Variants in PRKN observed in about 807,000 individuals in gnomAD.
PRKN encodes parkin RBR E3 ubiquitin protein ligase, also known as E3 ubiquitin-protein ligase parkin.
Under a neutral mutation model 59.5 loss-of-function variants are expected in PRKN, and 56 were observed. The observed-to-expected ratio is 0.94, with a 90% CI of 0.76 to 1.18. The LOEUF (loss-of-function observed/expected upper bound fraction) is 1.18, where lower values mean the gene tolerates loss of function less well. PRKN is among the 50% of genes most tolerant of loss of function. The pLI is 0.00. For synonymous variants in PRKN, 250 were observed against 222.1 expected (o/e 1.13, Z -1.12); for missense variants, 657 against 596.4 (o/e 1.10, Z -1.06).
intron 1 of PRKN, among the ~76,000 whole-genome samples, chr6:162,689,952 T>C (rs1181084793): frequency 6.6e-6 from 1 of 152,210 alleles, no homozygotes; most frequent in African/African-American, 2.4e-5. Flanking sequence ...ACCCATAGCA[T>C]AAATCAGAAG....
At chr6:162,259,175 T>C (rs2128098975) in intron 3 of PRKN, among the ~76,000 whole-genome samples, 1 of 152,352 alleles carries the variant, frequency 6.6e-6, no homozygotes, top group South Asian at 2.1e-4. Context: ...ATAGATGTTT[T>C]ATGTGTTTAA....
rs375936373 is a variant in PRKN, at chr6:162,320,618, GTGC to G, written c.172-57856_172-57854del. 4.1e-4 allele frequency among the ~76,000 whole-genome samples: 63 copies of G among 151,822 alleles called. No individual in the cohort carries two copies. The East Asian group carries it at 6.4e-3, about 15-fold the overall frequency. On this transcript the variant is annotated intron_variant, in intron 2 of 11. Coordinates refer to ENST00000366898, the MANE Select transcript of PRKN (RefSeq NM_004562.3). The stretch of plus-strand genomic sequence containing the variant: ...TATTTCAAGAATTGGCCAGGATATT[GTGC>G]TGCTAATTGGGAATTTAAAATTATA...
intron 7 of PRKN, among the ~76,000 whole-genome samples, chr6:161,648,624 T>C (rs1479696529): frequency 6.6e-6 from 1 of 152,268 alleles, no homozygotes; most frequent in Non-Finnish European, 1.5e-5. Context: ...CTGTTTTAAC[T>C]GTGAGGTGTA....
chr6:161,802,701 T>C (rs888582557), intron 6 of PRKN, among the ~76,000 whole-genome samples: 1 of 152,186 alleles, frequency 6.6e-6, no homozygotes, highest in Non-Finnish European at 1.5e-5. Context: ...CCAATTCCCA[T>C]GGCCTGTTTT....
At chr6:161,920,923 G>A (rs535513794) in intron 6 of PRKN, among the ~76,000 whole-genome samples, 3 of 152,250 alleles carry the variant, frequency 2.0e-5, no homozygotes, top group African/African-American at 2.4e-5. Context: ...CACTGTAGAC[G>A]TTATGAACAC....
chr6:161,354,524 T>C lies in PRKN; in HGVS notation c.1286-4313A>G, dbSNP rs1159433479. 2.0e-5 allele frequency among the ~76,000 whole-genome samples: 3 copies of C among 152,204 alleles called. No individual in the cohort carries two copies. Among genetic ancestry groups the C allele is most frequent in the Non-Finnish European group, 2.9e-5 (2 of 68,044 alleles). On this transcript the variant is annotated intron_variant, in intron 11 of 11. Transcript: ENST00000366898. The surrounding 1 kb of genome is among the most constrained non-coding windows in gnomAD (Gnocchi z 6.7). ...GTCAGGGAATGGAGCCAGAATTTCA[T>C]CTGCTTGAGATGGAAGTGAAGAAAT...
At chr6:161,411,115 T>G (rs913726028) in intron 9 of PRKN, among the ~76,000 whole-genome samples, 7 of 152,126 alleles carry the variant, frequency 4.6e-5, no homozygotes, top group Admixed American at 1.3e-4. Flanking sequence ...TGAGGCAGGA[T>G]TTAGGGCCTC....
At chr6:162,515,241 C>T (rs991344302) in intron 1 of PRKN, among the ~76,000 whole-genome samples, 1 of 151,982 alleles carries the variant, frequency 6.6e-6, no homozygotes, top group African/African-American at 2.4e-5. Flanking sequence ...CACTACCACG[C>T]CCAGCTAATT....
chr6:162,508,956 C>G (rs887963350), intron 1 of PRKN, among the ~76,000 whole-genome samples: 1 of 152,134 alleles, frequency 6.6e-6, no homozygotes, highest in African/African-American at 2.4e-5. Context: ...ATTTGCTATT[C>G]AAGTGAGAAT....
chr6:162,346,239 G>GT (rs1784399343), intron 2 of PRKN, among the ~76,000 whole-genome samples: 1 of 152,130 alleles, frequency 6.6e-6, no homozygotes, highest in Non-Finnish European at 1.5e-5. Flanking sequence ...ATATAATCGT[G>GT]TTTTTTCCCA....
At chr6:161,728,472 G>A (rs1239915186) in intron 7 of PRKN, among the ~76,000 whole-genome samples, 2 of 152,268 alleles carry the variant, frequency 1.3e-5, no homozygotes, top group African/African-American at 2.4e-5. Context: ...AGGAAGAGGG[G>A]CTTGTCACCG....
At chr6:161,948,088 C>T (rs564361880) in intron 6 of PRKN, among the ~76,000 whole-genome samples, 47 of 152,174 alleles carry the variant, frequency 3.1e-4, no homozygotes, top group Non-Finnish European at 6.2e-4. Context: ...CAGGTTCAAG[C>T]GCTTCTCCTG....
intron 4 of PRKN, among the ~76,000 whole-genome samples, chr6:162,130,246 T>C (rs906881491): frequency 1.3e-5 from 2 of 152,180 alleles, no homozygotes; most frequent in African/African-American, 4.8e-5. Flanking sequence ...TTTGTCTTGA[T>C]ACTGCTTCTT....
intron 2 of PRKN, among the ~76,000 whole-genome samples, chr6:162,387,239 A>C (rs1259262728): frequency 1.9e-5 from 1 of 53,456 alleles, no homozygotes; most frequent in Non-Finnish European, 3.4e-5. Flanking sequence ...ATAAGCAAAA[A>C]AAAAAAAAAA....
Position 161,370,591 on chromosome 6 carries a change from CAAA to C in PRKN, c.1168-10389_1168-10387del, listed in dbSNP as rs560655971. Reference sequence around the variant, plus strand: ...TGGGCGACAGAGCAAGACTCTGTGTCAAAAAAAAAAAAAAAAAAAAGCCGAATT... The same window carrying C: ...TGGGCGACAGAGCAAGACTCTGTGTCAAAAAAAAAAAAAAAAAGCCGAATT... On this transcript the variant is annotated intron_variant, in intron 10 of 11. Coordinates refer to ENST00000366898, the MANE Select transcript of PRKN (RefSeq NM_004562.3). 3.7e-3 allele frequency among the ~76,000 whole-genome samples: 215 copies of C among 57,808 alleles called. 4 individuals carry two copies. Among genetic ancestry groups the C allele is most frequent in the Admixed American group, 2.6e-3 (12 of 4,610 alleles). 37.9% of individuals were successfully genotyped at this position (57,808 alleles called of 152,430 possible). A position where few individuals can be genotyped will look rare whatever the true frequency, so the allele number is the denominator to read the frequency against.
intron 1 of PRKN, among the ~76,000 whole-genome samples, chr6:162,620,157 C>A (rs1004025160): frequency 1.3e-5 from 2 of 152,000 alleles, no homozygotes; most frequent in African/African-American, 4.8e-5. Flanking sequence ...TACCTCCTGA[C>A]TTCTGGCATT....
chr6:162,633,555 TCA>T (rs1031656822), intron 1 of PRKN, among the ~76,000 whole-genome samples: 1 of 150,934 alleles, frequency 6.6e-6, no homozygotes, highest in Non-Finnish European at 1.5e-5. Context: ...TTCCAGAACT[TCA>T]CACATTTGGC....
chr6:162,488,166 G>A (rs937403900), intron 1 of PRKN, among the ~76,000 whole-genome samples: 1 of 151,446 alleles, frequency 6.6e-6, no homozygotes, highest in Non-Finnish European at 1.5e-5. Context: ...TCACAGGGCT[G>A]TCTATAGAAG....
At chr6:162,353,475 T>C (rs1784709010) in intron 2 of PRKN, among the ~76,000 whole-genome samples, 1 of 152,146 alleles carries the variant, frequency 6.6e-6, no homozygotes, top group South Asian at 2.1e-4. Context: ...TGCTAAAATG[T>C]TAAATTTTAA....
Sources: gnomAD v4.1 joint callset for allele counts (sites outside exome capture counted in the v4.1 genomes callset) on GRCh38, gnomAD v4.1.1 for gene constraint, Gnocchi (gnomAD v3.1) non-coding constraint, MANE v1.5 for transcripts, NCBI Gene and HGNC (gene_info 2026-07-23, HGNC 2026-07-21) for gene names.